OPCML: variants seen among roughly 807,000 people sequenced by gnomAD.
OPCML encodes the protein opioid binding protein/cell adhesion molecule like, also known as opioid-binding protein/cell adhesion molecule.
A neutral mutation model predicts 37.8 loss-of-function variants in OPCML; 13 were observed. The ratio of observed to expected loss-of-function variants is 0.34; its 90% CI spans 0.22 to 0.55. The LOEUF is 0.55. Ranked by LOEUF, OPCML falls within the 20% of genes least tolerant of loss-of-function variation. The pLI is 0.91. For missense variants in OPCML, 341 were observed against 435.6 expected, an observed-to-expected ratio of 0.78 and a Z score of 1.93; for synonymous variants, 176 against 168.8, an observed-to-expected ratio of 1.04 and a Z score of -0.33.
chr11:132,596,882 CCTT>C (rs978198109), intron 3 of OPCML, among the ~76,000 whole-genome samples: 2 of 152,142 alleles, frequency 1.3e-5, no homozygotes, highest in African/African-American at 4.8e-5. Context: ...AGGATATAAT[CCTT>C]CTTTTCAGGT....
At chr11:133,480,308 T>G (rs76821846) in intron 1 of OPCML, among the ~76,000 whole-genome samples, 8,490 of 152,288 alleles carry the variant, frequency 0.056, 596 homozygotes, top group African/African-American at 0.16. Flanking sequence ...ATGAGGAAAC[T>G]GTGGTCCGGA....
At chr11:132,994,344 A>C (rs1946840584) in intron 1 of OPCML, among the ~76,000 whole-genome samples, 1 of 152,200 alleles carries the variant, frequency 6.6e-6, no homozygotes, top group Non-Finnish European at 1.5e-5. Context: ...ACAAAAGACT[A>C]AACCTACCAG....
intron 3 of OPCML, among the ~76,000 whole-genome samples, chr11:132,607,263 A>T (rs1938360064): frequency 6.6e-6 from 1 of 152,230 alleles, no homozygotes; most frequent in East Asian, 1.9e-4. Flanking sequence ...CTGCCAGGGA[A>T]GAGGATGCTC....
intron 1 of OPCML, among the ~76,000 whole-genome samples, chr11:133,083,132 A>ACG (rs1948763845): frequency 6.8e-6 from 1 of 147,550 alleles, no homozygotes; most frequent in Non-Finnish European, 1.5e-5. Context: ...CACACACACC[A>ACG]CGCACACACA....
chr11:132,480,033 A>C (rs2096173685), intron 4 of OPCML, among the ~76,000 whole-genome samples: 1 of 152,236 alleles, frequency 6.6e-6, no homozygotes, highest in Admixed American at 6.5e-5. Context: ...GACTTTGACG[A>C]GCTGAGAGAA....
intron 3 of OPCML, among the ~76,000 whole-genome samples, chr11:132,628,613 A>C (rs977531145): frequency 6.6e-6 from 1 of 152,126 alleles, no homozygotes; most frequent in African/African-American, 2.4e-5. Flanking sequence ...CTGGGCCACT[A>C]TCGCCTGCCC....
intron 1 of OPCML, among the ~76,000 whole-genome samples, chr11:133,068,563 C>T (rs1948475885): frequency 6.6e-6 from 1 of 152,174 alleles, no homozygotes; most frequent in Non-Finnish European, 1.5e-5. Context: ...AATTAGCTGG[C>T]ACAAACAGTT....
intron 1 of OPCML, among the ~76,000 whole-genome samples, chr11:133,233,740 A>G (rs540509836): frequency 6.6e-6 from 1 of 152,310 alleles, no homozygotes; most frequent in African/African-American, 2.4e-5. Flanking sequence ...CCCTGCCCGT[A>G]AAAATGTCTA....
intron 3 of OPCML, among the ~76,000 whole-genome samples, chr11:132,605,662 A>G (rs1591614741): frequency 6.6e-6 from 1 of 152,174 alleles, no homozygotes; most frequent in East Asian, 1.9e-4. Flanking sequence ...AGCCCCAGCT[A>G]TAACTTAGTC....
rs1301387742 is a variant in OPCML at position 133,212,913 on chromosome 11, G to A, written c.62-269903C>T. On this transcript the variant is annotated intron_variant, in intron 1 of 7. Transcript: ENST00000524381. The surrounding 1 kb of genome is among the most constrained non-coding windows in gnomAD (Gnocchi z 4.9). ...GTCATGCCGTTAAACCACACATCAA[G>A]CTTTTATGTCTGGTGGTACCTCAAA... is the stretch of plus-strand genomic sequence containing the variant. Among the ~76,000 whole-genome samples, 5 of 152,122 alleles carry A rather than the reference G, an allele frequency of 3.3e-5. No homozygotes were observed. The highest frequency in any genetic ancestry group is 1.2e-4 in the African/African-American group (5 of 41,412).
At chr11:132,593,142 T>C (rs1039902155) in intron 3 of OPCML, among the ~76,000 whole-genome samples, 1 of 152,094 alleles carries the variant, frequency 6.6e-6, no homozygotes, top group Non-Finnish European at 1.5e-5. Context: ...CAGGAAAACA[T>C]GGCACTGGGC....
At chr11:133,408,616 A>G (rs913695946) in intron 1 of OPCML, among the ~76,000 whole-genome samples, 9 of 152,144 alleles carry the variant, frequency 5.9e-5, no homozygotes, top group African/African-American at 1.9e-4. Context: ...ACACGACACC[A>G]CCCAGAGGCA....
In OPCML at chr11:132,419,738, A is replaced by G. The variant is rs2095950914; in HGVS notation, c.*455T>C. The G allele has an allele frequency of 6.4e-6, 1 of 157,364 alleles. No individual in the cohort carries two copies. The highest frequency in any genetic ancestry group is 2.4e-5 in the African/African-American group (1 of 41,534). The allele number at this position is 157,364 out of a possible 1,614,324, so 9.7% of individuals were successfully genotyped here. ...GCATATGTACATTGTCATTAAGAAAATAATCACAGATAATAGGACACTTGG... is the reference window on the plus strand; with the variant it reads ...GCATATGTACATTGTCATTAAGAAAGTAATCACAGATAATAGGACACTTGG... On this transcript the variant is annotated 3_prime_UTR_variant, in exon 8 of 8. Transcript: ENST00000524381.
At position 132,434,122 on chromosome 11, in the gene OPCML, G is replaced by A. The variant is rs117637358; in HGVS notation, c.916+1964C>T. Reference sequence around the variant, plus strand: ...AATCCCACCAACCATGGGGATAATGGCAGGTTGTGGCAGGGAAGTGACTCA... The same window carrying A: ...AATCCCACCAACCATGGGGATAATGACAGGTTGTGGCAGGGAAGTGACTCA... On this transcript the variant is annotated intron_variant, in intron 7 of 7. Coordinates refer to ENST00000524381, the MANE Select transcript of OPCML (RefSeq NM_001012393.5). 4.9e-3 allele frequency among the ~76,000 whole-genome samples: 741 copies of A among 152,166 alleles called. 3 individuals carry two copies. The highest frequency in any genetic ancestry group is 8.5e-3 in the Admixed American group (130 of 15,296).
chr11:132,617,476 C>T (rs189965206), intron 3 of OPCML, among the ~76,000 whole-genome samples: 105 of 152,316 alleles, frequency 6.9e-4, no homozygotes, highest in African/African-American at 2.4e-3. Flanking sequence ...TCTAGTGTCC[C>T]TCTCCCAGTG....
intron 1 of OPCML, among the ~76,000 whole-genome samples, chr11:133,501,680 G>T (rs1007550271): frequency 6.6e-6 from 1 of 151,996 alleles, no homozygotes; most frequent in African/African-American, 2.4e-5. Context: ...AGGGGAGCTG[G>T]CTTCATGGGG....
At chr11:133,421,491 A>C in intron 1 of OPCML, 1 of 985,428 alleles carries the variant, frequency 1.0e-6, no homozygotes. Context: ...GCTATCTACA[A>C]CACTTTAATT....
chr11:132,430,107 G>C (rs1332064105), intron 7 of OPCML, among the ~76,000 whole-genome samples: 1 of 152,198 alleles, frequency 6.6e-6, no homozygotes, highest in African/African-American at 2.4e-5. Flanking sequence ...CAGATACAAT[G>C]CGAATTCTCC....
At chr11:133,047,890 C>A (rs754996495) in intron 1 of OPCML, among the ~76,000 whole-genome samples, 4 of 152,190 alleles carry the variant, frequency 2.6e-5, no homozygotes, top group Non-Finnish European at 5.9e-5. Flanking sequence ...GTTAGCCAGG[C>A]TTCCTCTGAG....
Sources: gnomAD v4.1 joint callset for allele counts (sites outside exome capture counted in the v4.1 genomes callset) on GRCh38, gnomAD v4.1.1 for gene constraint, Gnocchi (gnomAD v3.1) non-coding constraint, MANE v1.5 for transcripts, NCBI Gene and HGNC (gene_info 2026-07-23, HGNC 2026-07-21) for gene names.